NRL: variants seen among roughly 807,000 people sequenced by gnomAD.
The protein encoded by NRL is neural retina leucine zipper, also known as neural retina-specific leucine zipper protein.
NRL carries 16 observed loss-of-function variants against 12.5 expected under a neutral mutation model. The ratio of observed to expected loss-of-function variants is 1.28; its 90% confidence interval spans 0.87 to 1.95. The LOEUF (loss-of-function observed/expected upper bound fraction) is 1.95. NRL is among the 30% of genes most tolerant of loss of function. The probability of loss-of-function intolerance (pLI) is 0.00; values close to 1 mark genes in which losing one functional copy is unlikely to be tolerated. For missense variants in NRL, 314 were observed against 325.8 expected (o/e 0.96, Z 0.28); for synonymous variants, 142 against 150.9 (o/e 0.94, Z 0.43).
intron 1 of NRL, among the ~76,000 whole-genome samples, chr14:24,097,555 ACT>A (rs1303689804): frequency 2.8e-5 from 4 of 144,376 alleles, no homozygotes; most frequent in African/African-American, 7.6e-5. Context: ...TAAGAGCGAA[ACT>A]CTGTCTCAAA....
chr14:24,083,306 T>C (rs188990307), intron 1 of NRL, among the ~76,000 whole-genome samples: 52 of 152,294 alleles, frequency 3.4e-4, no homozygotes, highest in Non-Finnish European at 7.3e-4. Flanking sequence ...TGGGAAGGCA[T>C]GTATGCTGTG....
At chr14:24,104,372 G>A (rs1021756358) in intron 1 of NRL, among the ~76,000 whole-genome samples, 14 of 151,714 alleles carry the variant, frequency 9.2e-5, no homozygotes, top group South Asian at 4.1e-4. Context: ...GTTCACGCCT[G>A]TAATCCCAGC....
chr14:24,109,202 G>A (rs565431883), intron 1 of NRL, among the ~76,000 whole-genome samples: 94 of 152,270 alleles, frequency 6.2e-4, no homozygotes, highest in Admixed American at 5.4e-3. Context: ...CTGTAACCAC[G>A]CAACGTACCA....
At chr14:24,091,415 C>T (rs866588245) in intron 1 of NRL, among the ~76,000 whole-genome samples, 6 of 152,130 alleles carry the variant, frequency 3.9e-5, no homozygotes, top group African/African-American at 1.4e-4. Context: ...CACAGAAGTG[C>T]TCTGGAAACT....
chr14:24,097,055 G>C (rs770407898), intron 1 of NRL: 1 of 1,613,384 alleles, frequency 6.2e-7, no homozygotes, highest in Non-Finnish European at 8.5e-7. Context: ...CATCTGTGAT[G>C]GAACTGAGGC....
chr14:24,095,919 T>C (rs1259621580), intron 1 of NRL, among the ~76,000 whole-genome samples: 1 of 152,148 alleles, frequency 6.6e-6, no homozygotes, highest in Non-Finnish European at 1.5e-5. Flanking sequence ...TATGCAACCA[T>C]TGTTGGTCCA....
At chr14:24,096,172 G>T (rs1283387802) in intron 1 of NRL, among the ~76,000 whole-genome samples, 1 of 148,660 alleles carries the variant, frequency 6.7e-6, no homozygotes, top group Non-Finnish European at 1.5e-5. Context: ...ATATGAAATT[G>T]TCACCTGGGC....
At chr14:24,103,821 C>T (rs2037271935) in intron 1 of NRL, 3 of 1,614,142 alleles carry the variant, frequency 1.9e-6, no homozygotes, top group South Asian at 1.1e-5. Context: ...AGACACCACT[C>T]AGCTGTTCTC....
Position 24,095,077 on chromosome 14 carries a change from G to C in NRL, c.-27-12202C>G, listed in dbSNP as rs73603081. ...CCTCCGTCCAGGCCTGGAGCCCCCA[G>C]GCTCGTCCTGTTTGTCTGCCTGTCC... On this transcript the variant is annotated intron_variant, in intron 1 of 2. Transcript: ENST00000561028. 5.8e-3 allele frequency: 2,627 copies of C among 456,264 alleles called. 65 individuals carry two copies. Among genetic ancestry groups the C allele is most frequent in the African/African-American group, 0.047 (2,366 of 50,166 alleles). The allele number at this position is 456,264 out of a possible 1,614,324, so 28.3% of individuals were successfully genotyped here.
chr14:24,082,215 T>C (rs990716272), intron 2 of NRL, among the ~76,000 whole-genome samples: 1 of 152,206 alleles, frequency 6.6e-6, no homozygotes, highest in Non-Finnish European at 1.5e-5. Context: ...TTCTTCCCTT[T>C]GGATTCTCTG....
chr14:24,094,419 A>G lies in NRL; in HGVS notation c.-27-11544T>C. On this transcript the variant is annotated intron_variant, in intron 1 of 2. Transcript: ENST00000561028. The surrounding 1 kb of genome is among the most constrained non-coding windows in gnomAD (Gnocchi z 4.1). ...TGCCCAGGTGCCATGGCCGCATTGT[A>G]CCGCCCTGGCCTGCGGTGAGTGACC... 1 of 1,560,488 alleles carries G rather than the reference A, an allele frequency of 6.4e-7. No homozygotes were observed.
At chr14:24,101,497 A>G (rs1345803476) in intron 1 of NRL, among the ~76,000 whole-genome samples, 5 of 152,214 alleles carry the variant, frequency 3.3e-5, no homozygotes, top group Non-Finnish European at 7.3e-5. Flanking sequence ...GGACACCTGA[A>G]GGTGCCAAGT....
Position 24,108,230 on chromosome 14 carries a change from G to A in NRL, c.-28+6492C>T, listed in dbSNP as rs189438049. 4.9e-4 allele frequency among the ~76,000 whole-genome samples: 75 copies of A among 152,286 alleles called. No individual in the cohort carries two copies. In the East Asian group the frequency reaches 8.7e-3, roughly 18 times the overall value. On this transcript the variant is annotated intron_variant, in intron 1 of 2. Transcript: ENST00000561028. ...TTTTAAGACCACAATCTGGATGCTA[G>A]GAGTGTTCATTGATACTGGATTGGT... is the stretch of plus-strand genomic sequence containing the variant.
rs2036565883 is a variant in NRL, at chr14:24,089,812, G to T, written c.-27-6937C>A. On this transcript the variant is annotated intron_variant, in intron 1 of 2. Coordinates refer to ENST00000561028, the MANE Select transcript of NRL (RefSeq NM_001354768.3). The stretch of plus-strand genomic sequence containing the variant: ...GGTCAGGTGAATAAGAAGTGACCCT[G>T]CCTGGAGGTGTGGACAGGGTGGGAA... 2.6e-5 allele frequency among the ~76,000 whole-genome samples: 4 copies of T among 152,222 alleles called. No individual in the cohort carries two copies. In the South Asian group the frequency reaches 8.3e-4, roughly 32 times the overall value.
At chr14:24,110,336 T>A (rs2037400236) in intron 1 of NRL, 1 of 401,760 alleles carries the variant, frequency 2.5e-6, no homozygotes, top group Non-Finnish European at 5.1e-6. Context: ...CTCAAATTCC[T>A]GTGGTCAAGC....
At chr14:24,109,276 T>G (rs1211486737) in intron 1 of NRL, among the ~76,000 whole-genome samples, 1 of 152,190 alleles carries the variant, frequency 6.6e-6, no homozygotes, top group Non-Finnish European at 1.5e-5. Flanking sequence ...CCATAATTAT[T>G]TTTAAAGATA....
chr14:24,109,073 A>ATTGTAAAT (rs1302846846), intron 1 of NRL, among the ~76,000 whole-genome samples: 1 of 152,242 alleles, frequency 6.6e-6, no homozygotes, highest in African/African-American at 2.4e-5. Context: ...TTACTTAGCA[A>ATTGTAAAT]TTACCAGAAA....
chr14:24,081,744 C>G lies in NRL; in HGVS notation c.382-176G>C, dbSNP rs957137513. 4 of 1,520,522 alleles carry G rather than the reference C, an allele frequency of 2.6e-6. No individual in the cohort carries two copies. The African/African-American group carries it at 4.2e-5, about 16-fold the overall frequency. The allele number at this position is 1,520,522 out of a possible 1,614,324, so 94.2% of individuals were successfully genotyped here. On this transcript the variant is annotated intron_variant, in intron 2 of 2. Transcript: ENST00000561028. The surrounding 1 kb of genome is among the most constrained non-coding windows in gnomAD (Gnocchi z 4.4). The stretch of plus-strand genomic sequence containing the variant: ...GTCCAGAGCCCGCCCCAGGCCCCGA[C>G]GCTCCCCGGGCCCCCCAGCTGACCG...
At chr14:24,098,475 G>C (rs780246638) in intron 1 of NRL, 1 of 1,613,978 alleles carries the variant, frequency 6.2e-7, no homozygotes, top group Admixed American at 1.7e-5. Flanking sequence ...TCCTCCACAG[G>C]CCGCACCATG....
Sources: allele counts gnomAD v4.1 joint callset (sites outside exome capture counted in the v4.1 genomes callset), GRCh38; gene constraint gnomAD v4.1.1; non-coding constraint Gnocchi (gnomAD v3.1); transcripts MANE v1.5; gene names NCBI Gene and HGNC (gene_info 2026-07-23, HGNC 2026-07-21).